The following ORC3 variants were observed in gnomAD, a reference collection of about 807,000 sequenced individuals.
ORC3 encodes the protein origin recognition complex subunit 3.
Under a neutral mutation model 100.7 loss-of-function variants are expected in ORC3, and 78 were observed. That is an observed-to-expected ratio of 0.77 (90% confidence interval 0.65 to 0.94). ORC3 has a LOEUF of 0.94. ORC3 is among the 40% of genes least tolerant of loss of function. ORC3 has a pLI of 0.00. For synonymous variants in ORC3, 295 were observed against 289.3 expected, an observed-to-expected ratio of 1.02 and a Z score of -0.20; for missense variants, 789 against 823.9, an observed-to-expected ratio of 0.96 and a Z score of 0.52.
chr6:87,611,687 C>G (rs550466121), intron 7 of ORC3, among the ~76,000 whole-genome samples: 8 of 151,788 alleles, frequency 5.3e-5, no homozygotes, highest in African/African-American at 1.7e-4. Context: ...GAGGCTGAGG[C>G]AGGAGAATCG....
intron 7 of ORC3, chr6:87,609,539 G>T: frequency 5.2e-6 from 1 of 192,014 alleles, no homozygotes. Context: ...TCCAGGTTGA[G>T]TTTGTTGTTT....
intron 16 of ORC3, among the ~76,000 whole-genome samples, chr6:87,660,510 A>C (rs1362534141): frequency 6.6e-6 from 1 of 152,260 alleles, no homozygotes. Context: ...GGAGTTATGG[A>C]GAAAGGATGT....
the ORC3 span, chr6:87,675,769 T>A: frequency 6.7e-7 from 1 of 1,483,072 alleles, no homozygotes. Context: ...TTTTGTTGAA[T>A]TCTCTTTTTG....
intron 5 of ORC3, among the ~76,000 whole-genome samples, chr6:87,606,995 A>G (rs932705941): frequency 1.3e-5 from 2 of 152,262 alleles, no homozygotes; most frequent in African/African-American, 4.8e-5. Flanking sequence ...ATTTATAATC[A>G]GTAAAATAAT....
chr6:87,676,803 A>T, the ORC3 span, among the ~76,000 whole-genome samples: 1 of 146,932 alleles, frequency 6.8e-6, no homozygotes. Context: ...TTGGCCGGGC[A>T]TGGTGGCTTA....
intron 11 of ORC3, among the ~76,000 whole-genome samples, chr6:87,623,288 A>G (rs867531249): frequency 2.0e-5 from 3 of 152,248 alleles, no homozygotes; most frequent in South Asian, 2.1e-4. Flanking sequence ...ATTGGGCTCA[A>G]TAATCATTTT....
At chr6:87,610,520 T>C (rs1778668093) in intron 7 of ORC3, among the ~76,000 whole-genome samples, 1 of 151,870 alleles carries the variant, frequency 6.6e-6, no homozygotes, top group Non-Finnish European at 1.5e-5. Context: ...CACACCCAGC[T>C]AATTTACTAA....
chr6:87,676,408 G>A, the ORC3 span, among the ~76,000 whole-genome samples: 1 of 127,714 alleles, frequency 7.8e-6, no homozygotes, highest in Admixed American at 8.7e-5. Context: ...GGAGCTTGCA[G>A]TGAGCCAAGA....
intron 6 of ORC3, among the ~76,000 whole-genome samples, chr6:87,608,701 C>T (rs990922259): frequency 6.6e-6 from 1 of 152,054 alleles, no homozygotes; most frequent in African/African-American, 2.4e-5. Context: ...TTCACAGTGG[C>T]AGAGTAGCAA....
rs766341104 is a variant in ORC3, at chr6:87,621,504, A to G, written c.1121+17A>G. On this transcript the variant is annotated intron_variant, in intron 10 of 19. Coordinates refer to ENST00000392844, the MANE Select transcript of ORC3 (RefSeq NM_012381.4). Reference sequence around the variant, plus strand: ...TTTTAGGAGGTAAAAAGAGAAGTACATGTTTAACACATACTATACTAGAAT... The same window carrying G: ...TTTTAGGAGGTAAAAAGAGAAGTACGTGTTTAACACATACTATACTAGAAT... 11 of 1,554,306 alleles carry G rather than the reference A, an allele frequency of 7.1e-6. No homozygotes were observed. The highest frequency in any genetic ancestry group is 2.8e-5 in the African/African-American group (2 of 72,118).
intron 4 of ORC3, among the ~76,000 whole-genome samples, chr6:87,603,887 T>C (rs1234830060): frequency 1.3e-5 from 2 of 152,226 alleles, no homozygotes; most frequent in African/African-American, 4.8e-5. Context: ...TTGGTTTTCA[T>C]ACTTTTTTTA....
intron 13 of ORC3, among the ~76,000 whole-genome samples, chr6:87,639,858 G>A (rs1478318686): frequency 6.7e-6 from 1 of 149,460 alleles, no homozygotes; most frequent in Non-Finnish European, 1.5e-5. Flanking sequence ...AAATTAGCCT[G>A]GCATGGTGGT....
chr6:87,647,244 C>T (rs947051121), intron 13 of ORC3, among the ~76,000 whole-genome samples: 10 of 152,006 alleles, frequency 6.6e-5, no homozygotes, highest in South Asian at 4.1e-4. Flanking sequence ...TATGTGACTG[C>T]CCCCCTCCTC....
downstream of ORC3, among the ~76,000 whole-genome samples, chr6:87,669,853 C>T (rs921435142): frequency 6.6e-6 from 1 of 152,160 alleles, no homozygotes; most frequent in African/African-American, 2.4e-5. Flanking sequence ...TACAAGGACA[C>T]CATCACTACG....
At chr6:87,631,279 A>G (rs1261680426) in intron 11 of ORC3, among the ~76,000 whole-genome samples, 1 of 152,190 alleles carries the variant, frequency 6.6e-6, no homozygotes, top group African/African-American at 2.4e-5. Context: ...CAGAGAAAGC[A>G]TATCTTTTTA....
intron 16 of ORC3, among the ~76,000 whole-genome samples, chr6:87,658,961 A>G (rs1318749437): frequency 1.4e-5 from 2 of 139,768 alleles, no homozygotes; most frequent in East Asian, 2.4e-4. Context: ...GAAGTTGGGC[A>G]TGCTACAGAA....
chr6:87,621,055 T>G (rs1562342699), intron 9 of ORC3, among the ~76,000 whole-genome samples: 1 of 152,140 alleles, frequency 6.6e-6, no homozygotes, highest in East Asian at 1.9e-4. Flanking sequence ...CCACACCACA[T>G]TTGTAATTAT....
chr6:87,600,073 A>G (rs185010696), intron 2 of ORC3, among the ~76,000 whole-genome samples: 4 of 152,296 alleles, frequency 2.6e-5, no homozygotes, highest in Admixed American at 6.5e-5. Flanking sequence ...GATGACTTCA[A>G]TGTATTCCAA....
chr6:87,606,233 G>A (rs1267999875), intron 5 of ORC3, among the ~76,000 whole-genome samples: 1 of 152,092 alleles, frequency 6.6e-6, no homozygotes, highest in Non-Finnish European at 1.5e-5. Context: ...ACCCATTTCT[G>A]CCCTATCAGC....
Sources: gnomAD v4.1 joint callset for allele counts (sites outside exome capture counted in the v4.1 genomes callset) on GRCh38, gnomAD v4.1.1 for gene constraint, MANE v1.5 for transcripts, NCBI Gene and HGNC (gene_info 2026-07-23, HGNC 2026-07-21) for gene names.